MICAL3: variants seen among roughly 807,000 people sequenced by gnomAD.
MICAL3 encodes [F-actin]-monooxygenase MICAL3.
Under a neutral mutation model 207.4 loss-of-function variants are expected in MICAL3, and 62 were observed. That is an observed-to-expected ratio of 0.30 (90% CI 0.24 to 0.37). The LOEUF is 0.37. Among genes scored for constraint, MICAL3 ranks in the 10% least tolerant of loss-of-function variants. MICAL3 has a pLI of 1.00. For missense variants in MICAL3, 2,368 were observed against 2,635.6 expected, an observed-to-expected ratio of 0.90 and a Z score of 2.22; for synonymous variants, 1,077 against 1,069.3, an observed-to-expected ratio of 1.01 and a Z score of -0.14.
Position 17,893,919 on chromosome 22 carries a change from CAA to C in MICAL3, c.1450-17_1450-16del. ...AAATGGCGCACCTGGCAGAAATTTA[CAA>C]AGTCAAACAGAAAGAAAATCAAATA... On this transcript the variant is annotated splice_polypyrimidine_tract_variant and intron_variant, in intron 10 of 31. Coordinates refer to ENST00000441493, the MANE Select transcript of MICAL3 (RefSeq NM_015241.3). 6.6e-7 allele frequency: 1 copy of C among 1,518,458 alleles called. No homozygotes were observed. The highest frequency in any genetic ancestry group is 9.0e-7 in the Non-Finnish European group (1 of 1,116,640). 94.1% of individuals were successfully genotyped at this position (1,518,458 alleles called of 1,614,324 possible). A position where few individuals can be genotyped will look rare whatever the true frequency, so the allele number is the denominator to read the frequency against.
rs1569105674 is a variant in MICAL3, at chr22:17,871,846, T to G, written c.2419A>C (p.Ile807Leu). The change falls in exon 17 of 32, where the codon ATC becomes CTC. Residue 807 changes from isoleucine (I) to leucine (L), a missense_variant. Ile to Leu is a conservative substitution (Grantham distance 5). Around this residue, in one of 4 missense-constraint regions of MICAL3, gnomAD observed 1,770 missense variants for 1,863.2 expected, o/e 0.95. Coordinates refer to ENST00000441493, the MANE Select transcript of MICAL3 (RefSeq NM_015241.3). Reference protein sequence around the residue: ...TLRLSAYAYDIEDGKFYCKPH... With the variant: ...TLRLSAYAYDLEDGKFYCKPH... ...GCGCAGGGTGTCTCACCATCCTCGA[T>G]GTCGTAGGCGTAGGCCGAGAGGCGC... The G allele has an allele frequency of 6.2e-7, 1 of 1,605,242 alleles. No individual in the cohort carries two copies. Among genetic ancestry groups the G allele is most frequent in the Non-Finnish European group, 8.5e-7 (1 of 1,175,920 alleles).
intron 1 of MICAL3, among the ~76,000 whole-genome samples, chr22:17,996,466 T>G (rs1174742822): frequency 1.3e-5 from 2 of 148,658 alleles, no homozygotes; most frequent in African/African-American, 5.0e-5. Flanking sequence ...AAAAATGCAA[T>G]CAACTGCAAG....
At chr22:17,917,050 T>C (rs1399514835) in intron 1 of MICAL3, among the ~76,000 whole-genome samples, 1 of 152,206 alleles carries the variant, frequency 6.6e-6, no homozygotes, top group Non-Finnish European at 1.5e-5. Context: ...ATTTCGTTTT[T>C]TGAAAATTGC....
In MICAL3 at chr22:17,832,005, C is replaced by G. The variant is rs1402513657; in HGVS notation, c.2904G>C (p.Arg968=). Residue 968 remains arginine, a synonymous_variant, in exon 21 of 32, where the codon CGG becomes CGC. Transcript: ENST00000441493. The stretch of plus-strand genomic sequence containing the variant: ...TTTTCCCTTTCAGAAGGGCATGGAT[C>G]CGCACGGCCTCCTTCCACGGAACAC... ...LGGVPWKEAV[R]IHALLKGKSE... is the part of the protein sequence containing the mutation. 6.2e-7 allele frequency: 1 copy of G among 1,606,310 alleles called. No homozygotes were observed.
chr22:17,812,185 C>T (rs180949988), intron 27 of MICAL3, among the ~76,000 whole-genome samples: 13 of 152,368 alleles, frequency 8.5e-5, no homozygotes, highest in East Asian at 1.9e-4. Context: ...GGTGTTTCAG[C>T]GCTGCACCTT....
intron 16 of MICAL3, chr22:17,879,267 T>G: frequency 7.7e-7 from 1 of 1,293,852 alleles, no homozygotes; most frequent in East Asian, 2.4e-5. Flanking sequence ...CCCATATCCC[T>G]TCCCGCTGCC....
intron 16 of MICAL3, chr22:17,875,591 G>C (rs191406897): frequency 1.5e-6 from 2 of 1,352,014 alleles, no homozygotes. Context: ...AAAAGTAAAG[G>C]AAATGTTAAA....
chr22:17,811,136 C>T, intron 27 of MICAL3: 1 of 235,934 alleles, frequency 4.2e-6, no homozygotes, highest in Non-Finnish European at 8.4e-6. Flanking sequence ...GCAGTTAAAA[C>T]AATAAAGGGA....
intron 1 of MICAL3, among the ~76,000 whole-genome samples, chr22:17,982,795 TAAA>T (rs1023262422): frequency 8.1e-5 from 12 of 148,456 alleles, no homozygotes; most frequent in African/African-American, 2.8e-4. Context: ...TAAAATAAAA[TAAA>T]AAAGTTTTAA....
At chr22:17,989,335 G>GCTCC (rs1921403044) in intron 1 of MICAL3, among the ~76,000 whole-genome samples, 1 of 152,092 alleles carries the variant, frequency 6.6e-6, no homozygotes. Flanking sequence ...TGCTCCCACA[G>GCTCC]CTCCCTATAC....
intron 1 of MICAL3, among the ~76,000 whole-genome samples, chr22:17,963,807 C>T (rs1318268844): frequency 6.6e-6 from 1 of 152,216 alleles, no homozygotes; most frequent in East Asian, 1.9e-4. Flanking sequence ...CCGATCATTG[C>T]CTTGCAAGGT....
intron 1 of MICAL3, among the ~76,000 whole-genome samples, chr22:17,993,324 A>G (rs543894576): frequency 6.6e-5 from 10 of 152,126 alleles, no homozygotes; most frequent in Non-Finnish European, 1.2e-4. Flanking sequence ...ATAGGTATAC[A>G]TGTGCCATGG....
rs1176490685 is a variant in MICAL3, at chr22:17,889,237, A to G, written c.1695-7T>C. 3.7e-6 allele frequency: 6 copies of G among 1,605,818 alleles called. No homozygotes were observed. The Admixed American group carries it at 1.0e-4, about 27-fold the overall frequency. The stretch of plus-strand genomic sequence containing the variant: ...ATCCAAAGAATCAAAATCTCTGAGA[A>G]ACAGGACAAGGAAAACATATCAAGA... On this transcript the variant is annotated splice_region_variant and splice_polypyrimidine_tract_variant and intron_variant, in intron 12 of 31. Transcript: ENST00000441493.
intron 1 of MICAL3, among the ~76,000 whole-genome samples, chr22:17,913,415 C>T (rs1480530071): frequency 2.0e-5 from 3 of 152,088 alleles, no homozygotes; most frequent in African/African-American, 7.2e-5. Flanking sequence ...TGCGTGGCTG[C>T]GGAAGGTGAA....
At chr22:17,888,018 C>T (rs1930081621) in intron 13 of MICAL3, among the ~76,000 whole-genome samples, 1 of 152,180 alleles carries the variant, frequency 6.6e-6, no homozygotes, top group Admixed American at 6.5e-5. Flanking sequence ...GGTGGTAACA[C>T]AAGCTTTTTG....
At chr22:17,970,779 T>A (rs951231769) in intron 1 of MICAL3, among the ~76,000 whole-genome samples, 1 of 147,600 alleles carries the variant, frequency 6.8e-6, no homozygotes, top group African/African-American at 2.4e-5. Context: ...ATGTGGAAAA[T>A]TTTTTTATCT....
intron 17 of MICAL3, among the ~76,000 whole-genome samples, chr22:17,868,758 C>T (rs960943055): frequency 1.3e-5 from 2 of 152,078 alleles, no homozygotes; most frequent in South Asian, 2.1e-4. Context: ...TCAAGTGGGC[C>T]GTTCATTCAT....
Position 17,841,178 on chromosome 22 carries a change from C to G in MICAL3, c.2801+644G>C, listed in dbSNP as rs1184570815. The G allele has an allele frequency of 6.5e-6, 1 of 152,780 alleles. No individual in the cohort carries two copies. Among genetic ancestry groups the G allele is most frequent in the Non-Finnish European group, 1.5e-5 (1 of 68,468 alleles). 9.5% of individuals were successfully genotyped at this position (152,780 alleles called of 1,614,324 possible). A position where few individuals can be genotyped will look rare whatever the true frequency, so the allele number is the denominator to read the frequency against. ...CACCGGACCCCCTTTTGATTCTTGG[C>G]TCTCTTGATCATCTGTAATCGGCTG... On this transcript the variant is annotated intron_variant, in intron 20 of 31. Transcript: ENST00000441493. This position sits in a 1 kb window ranked among gnomAD's most constrained non-coding sequence, Gnocchi z 4.2.
At position 17,872,037 on chromosome 22, in the gene MICAL3, C is replaced by T. The variant is rs370452839; in HGVS notation, c.2242-14G>A. 3.6e-5 allele frequency: 57 copies of T among 1,586,464 alleles called. No individual in the cohort carries two copies. Among genetic ancestry groups the T allele is most frequent in the Admixed American group, 1.4e-4 (8 of 56,340 alleles). On this transcript the variant is annotated splice_polypyrimidine_tract_variant and intron_variant, in intron 16 of 31. Transcript: ENST00000441493. ...CTTCATGGAGCCCTGCAGGAGGTGG[C>T]GGTCGGGAGGAAGGGGAGCACCTCA...
Sources: allele counts gnomAD v4.1 joint callset (sites outside exome capture counted in the v4.1 genomes callset), GRCh38; gene constraint gnomAD v4.1.1; regional missense constraint gnomAD v4.1.1; non-coding constraint Gnocchi (gnomAD v3.1); transcripts MANE v1.5; gene names NCBI Gene and HGNC (gene_info 2026-07-23, HGNC 2026-07-21).